The following FHOD1 variants were observed in gnomAD, a reference collection of about 807,000 sequenced individuals.
FHOD1 encodes FH1/FH2 domain-containing protein 1.
A neutral mutation model predicts 111.6 loss-of-function variants in FHOD1; 89 were observed. That is an observed-to-expected ratio of 0.80 (90% CI 0.67 to 0.95). FHOD1 has a LOEUF of 0.95. Ranked by LOEUF, FHOD1 falls within the 40% of genes least tolerant of loss-of-function variation. The pLI, the probability that FHOD1 is intolerant of heterozygous loss-of-function variation, is 0.00. For missense variants in FHOD1, 1,446 were observed against 1,554.2 expected (o/e 0.93, Z 1.17); for synonymous variants, 618 against 639.0 (o/e 0.97, Z 0.50).
rs200598043 is a variant in FHOD1, at chr16:67,238,461, G to C, written c.374-14C>G. On this transcript the variant is annotated splice_polypyrimidine_tract_variant and intron_variant, in intron 3 of 21. Coordinates refer to ENST00000258201, the MANE Select transcript of FHOD1 (RefSeq NM_013241.3). The surrounding 1 kb of genome is among the most constrained non-coding windows in gnomAD (Gnocchi z 4.2). ...TATACAGCTTTTCTGCAAAAGGTAGGGTATAAAACCCTTGATGGACACAGA... is the reference window on the plus strand; with the variant it reads ...TATACAGCTTTTCTGCAAAAGGTAGCGTATAAAACCCTTGATGGACACAGA... The C allele has an allele frequency of 6.2e-7, 1 of 1,611,354 alleles. No individual in the cohort carries two copies. The highest frequency in any genetic ancestry group is 2.2e-5 in the East Asian group (1 of 44,866).
At chr16:67,236,235 C>T (rs562302541) in intron 11 of FHOD1, among the ~76,000 whole-genome samples, 8 of 152,114 alleles carry the variant, frequency 5.3e-5, no homozygotes, top group Non-Finnish European at 1.0e-4. Flanking sequence ...GAGAGACTGA[C>T]GTGGAGCAGG....
At chr16:67,246,453 C>T (rs551785155) in intron 1 of FHOD1, among the ~76,000 whole-genome samples, 1 of 152,304 alleles carries the variant, frequency 6.6e-6, no homozygotes, top group African/African-American at 2.4e-5. Flanking sequence ...AAAAGGGCCT[C>T]TTTCCGCACT....
chr16:67,244,729 G>GAC (rs766996990), intron 1 of FHOD1, among the ~76,000 whole-genome samples: 43 of 152,188 alleles, frequency 2.8e-4, no homozygotes, highest in Non-Finnish European at 5.1e-4. Context: ...GTACCCAGAG[G>GAC]AGGACAGAGG....
rs765039105 is a variant in FHOD1, at chr16:67,236,687, G to A, written c.1189C>T (p.Pro397Ser). Residue 397 changes from proline (P) to serine (S), a missense_variant, in exon 11 of 22, where the codon CCC becomes TCC. By Grantham distance (74) the Pro-to-Ser change is moderately conservative (BLOSUM62 -1). This residue lies in a region of FHOD1 where 1,085 missense variants were observed against 1,108.8 expected (regional missense o/e 0.98). Coordinates refer to ENST00000258201, the MANE Select transcript of FHOD1 (RefSeq NM_013241.3). Reference protein sequence around the residue: ...SPVGPTSSTGPALLTGPASSP... With the variant: ...SPVGPTSSTGSALLTGPASSP... ...GAGGCGGGGCCTGTCAGCAGGGCGGGGCCGGTGGAAGAGGTGGGGCCTACC... is the reference window on the plus strand; with the variant it reads ...GAGGCGGGGCCTGTCAGCAGGGCGGAGCCGGTGGAAGAGGTGGGGCCTACC... 8.2e-6 allele frequency: 13 copies of A among 1,594,220 alleles called. No individual in the cohort carries two copies. Among genetic ancestry groups the A allele is most frequent in the Middle Eastern group, 1.8e-4 (1 of 5,562 alleles).
At chr16:67,242,993 T>G (rs1218946354) in intron 1 of FHOD1, among the ~76,000 whole-genome samples, 1 of 151,430 alleles carries the variant, frequency 6.6e-6, no homozygotes, top group Admixed American at 6.6e-5. Flanking sequence ...TCTAGACATC[T>G]ATTACATATA....
At chr16:67,236,862 T>G (rs2034500960) in intron 10 of FHOD1, 104 bp downstream of exon 10, 2 of 1,331,270 alleles carry the variant, frequency 1.5e-6, no homozygotes, top group African/African-American at 1.8e-5. Flanking sequence ...AGGTGGGGGC[T>G]GTCTGTGGGG....
At position 67,247,368 on chromosome 16, in the gene FHOD1, C is replaced by G; in HGVS notation, c.43G>C (p.Val15Leu). ...AGGTACTGCACCCTCACGGTCACCA[C>G]TGATACCGGCTCTCCGTCCCCGCGG... ...EDRGDGEPVS[V>L]VTVRVQYLED... Residue 15 changes from valine (V) to leucine (L), a missense_variant, in exon 1 of 22, where the codon GTG becomes CTG. Val to Leu is a conservative substitution (Grantham distance 32, BLOSUM62 1). This residue lies in a region of FHOD1 where 127 missense variants were observed against 118.0 expected (regional missense o/e 1.08). Transcript: ENST00000258201. 6.2e-7 allele frequency: 1 copy of G among 1,613,536 alleles called. No individual in the cohort carries two copies. Among genetic ancestry groups the G allele is most frequent in the Non-Finnish European group, 8.5e-7 (1 of 1,179,800 alleles).
rs2034524762 is a variant in FHOD1 at position 67,237,305 on chromosome 16, C to T, written c.927G>A (p.Leu309=). 6 of 1,614,056 alleles carry T rather than the reference C, an allele frequency of 3.7e-6. No homozygotes were observed. The South Asian group carries it at 6.6e-5, about 18-fold the overall frequency. The change falls in exon 9 of 22, where the codon CTG becomes CTA. Residue 309 remains leucine (L), a synonymous_variant. Transcript: ENST00000258201. The surrounding 1 kb of genome is among the most constrained non-coding windows in gnomAD (Gnocchi z 5.6). ...CCGCAGTGCCCAGGTGGCGCTGGACCAGCGCTTCCATGCCCTGCTGCTCCA... is the reference window on the plus strand; with the variant it reads ...CCGCAGTGCCCAGGTGGCGCTGGACTAGCGCTTCCATGCCCTGCTGCTCCA... ...DALEQQGMEA[L]VQRHLGTAGT...
chr16:67,234,731 C>A (rs2034419013), intron 11 of FHOD1: 1 of 473,440 alleles, frequency 2.1e-6, no homozygotes, highest in Non-Finnish European at 3.8e-6. Flanking sequence ...ATCTAACTTG[C>A]AACCTCGTTC....
chr16:67,233,833 T>C lies in FHOD1; in HGVS notation c.1870A>G (p.Arg624Gly), dbSNP rs1281645618. The C allele has an allele frequency of 6.2e-7, 1 of 1,612,692 alleles. No individual in the cohort carries two copies. ...VPDSSALPTK[R>G]KTVKLFWREL... ...CGCCAGAAAAGTTTTACTGTCTTCC[T>C]CTTAGTGGGGAGGGCTGAGCTGTCA... The change falls in exon 13 of 22, where the codon AGG (arginine) becomes GGG (glycine). Residue 624 changes from arginine (R) to glycine (G), a missense_variant. Arg to Gly is a moderately radical substitution (Grantham distance 125, BLOSUM62 -2). Coordinates refer to ENST00000258201, the MANE Select transcript of FHOD1 (RefSeq NM_013241.3).
intron 11 of FHOD1, chr16:67,236,073 G>C (rs1010059174): frequency 1.0e-6 from 1 of 971,144 alleles, no homozygotes; most frequent in South Asian, 4.8e-5. Context: ...AGGGGCCCTG[G>C]GTAGGGGGGA....
At position 67,231,623 on chromosome 16, in the gene FHOD1, C is replaced by T. The variant is rs201367682; in HGVS notation, c.2385+14G>A. Reference sequence around the variant, plus strand: ...CCTGTCCCTACTGACTGTCCCACTCCAAGACCCAGGTACCCGCTCCATGCT... The same window carrying T: ...CCTGTCCCTACTGACTGTCCCACTCTAAGACCCAGGTACCCGCTCCATGCT... On this transcript the variant is annotated intron_variant, in intron 15 of 21. Transcript: ENST00000258201. The surrounding 1 kb of genome is among the most constrained non-coding windows in gnomAD (Gnocchi z 4.3). 1.5e-5 allele frequency: 25 copies of T among 1,614,072 alleles called. No individual in the cohort carries two copies. The highest frequency in any genetic ancestry group is 1.6e-4 in the Middle Eastern group (1 of 6,062).
rs1397835458 is a variant in FHOD1 at position 67,231,343 on chromosome 16, C to T, written c.2512G>A (p.Gly838Ser). The stretch of plus-strand genomic sequence containing the variant: ...TTCTCCAGGTAGCTCAGCTCAAAGC[C>T]GCTGCTCTGAAAGGACCCTTTCTGA... Reference protein sequence around the residue: ...GNFLNGSQSSGFELSYLEKVS... With the variant: ...GNFLNGSQSSSFELSYLEKVS... The change falls in exon 17 of 22, where the codon GGC becomes AGC. Residue 838 changes from glycine to serine, a missense_variant. Transcript: ENST00000258201. This position sits in a 1 kb window ranked among gnomAD's most constrained non-coding sequence, Gnocchi z 4.3. The T allele has an allele frequency of 8.1e-6, 13 of 1,614,038 alleles. No individual in the cohort carries two copies. Among genetic ancestry groups the T allele is most frequent in the Admixed American group, 3.3e-5 (2 of 60,002 alleles).
Position 67,229,449 on chromosome 16 carries a change from CATGCAT to C in FHOD1, c.*181_*186del, listed in dbSNP as rs761295490. 1.6e-5 allele frequency: 10 copies of C among 621,380 alleles called. No individual in the cohort carries two copies. Among genetic ancestry groups the C allele is most frequent in the African/African-American group, 3.7e-5 (2 of 54,196 alleles). The allele number at this position is 621,380 out of a possible 1,614,324, so 38.5% of individuals were successfully genotyped here. On this transcript the variant is annotated 3_prime_UTR_variant, in exon 22 of 22. Coordinates refer to ENST00000258201, the MANE Select transcript of FHOD1 (RefSeq NM_013241.3). ...CGTTCAAGGAGCTCACACACATGCA[CATGCAT>C]ATGCATGCACACACACACATACACA... is the stretch of plus-strand genomic sequence containing the variant.
Position 67,238,212 on chromosome 16 carries a change from G to A in FHOD1, c.537C>T (p.Tyr179=), listed in dbSNP as rs187678679. The change falls in exon 5 of 22, where the codon TAC becomes TAT. Residue 179 remains tyrosine (Y), a synonymous_variant. Coordinates refer to ENST00000258201, the MANE Select transcript of FHOD1 (RefSeq NM_013241.3). The surrounding 1 kb of genome is among the most constrained non-coding windows in gnomAD (Gnocchi z 4.2). ...AGGGGCGGGGCTGACCTCTAAGGATGTAGCTCTGGTAGTTGTGGTCGGCAG... is the reference window on the plus strand; with the variant it reads ...AGGGGCGGGGCTGACCTCTAAGGATATAGCTCTGGTAGTTGTGGTCGGCAG... The part of the protein sequence containing the change: ...GAAADHNYQS[Y]ILRALGQLML... The A allele has an allele frequency of 1.9e-6, 3 of 1,614,222 alleles. No homozygotes were observed. Among genetic ancestry groups the A allele is most frequent in the Non-Finnish European group, 1.7e-6 (2 of 1,180,030 alleles).
intron 1 of FHOD1, among the ~76,000 whole-genome samples, chr16:67,245,954 C>G (rs890367823): frequency 6.6e-6 from 1 of 152,262 alleles, no homozygotes; most frequent in Non-Finnish European, 1.5e-5. Context: ...GCACACGCTT[C>G]TTCCAGGCAC....
In FHOD1 at chr16:67,237,388, G is replaced by A. The variant is rs746692868; in HGVS notation, c.850-6C>T. ...TCCGGGAGCGCCGCCAGCGTCTGGA[G>A]GGCGGGGATAAGAAGGCAAGGCTGA... On this transcript the variant is annotated splice_polypyrimidine_tract_variant and splice_region_variant and intron_variant, in intron 8 of 21. Transcript: ENST00000258201. This position sits in a 1 kb window ranked among gnomAD's most constrained non-coding sequence, Gnocchi z 5.6. 2 of 1,613,824 alleles carry A rather than the reference G, an allele frequency of 1.2e-6. No homozygotes were observed. Among genetic ancestry groups the A allele is most frequent in the East Asian group, 2.2e-5 (1 of 44,858 alleles).
At chr16:67,245,053 T>C (rs2034772722) in intron 1 of FHOD1, among the ~76,000 whole-genome samples, 1 of 152,206 alleles carries the variant, frequency 6.6e-6, no homozygotes, top group African/African-American at 2.4e-5. Flanking sequence ...CAGCCTTCTA[T>C]TCTGGGGCTG....
In FHOD1 at chr16:67,237,567, C is replaced by T. The variant is rs928387683; in HGVS notation, c.757G>A (p.Ala253Thr). 102 of 1,614,018 alleles carry T rather than the reference C, an allele frequency of 6.3e-5. No homozygotes were observed. Among genetic ancestry groups the T allele is most frequent in the Non-Finnish European group, 8.5e-5 (100 of 1,179,980 alleles). Residue 253 changes from alanine to threonine, a missense_variant and splice_region_variant, in exon 8 of 22, where the codon GCT (alanine) becomes ACT (threonine). By Grantham distance (58) the Ala-to-Thr change is moderately conservative. Coordinates refer to ENST00000258201, the MANE Select transcript of FHOD1 (RefSeq NM_013241.3). The surrounding 1 kb of genome is among the most constrained non-coding windows in gnomAD (Gnocchi z 5.6). The stretch of plus-strand genomic sequence containing the variant: ...GACACCAGATTGGCCCAGGGAGGAG[C>T]ACCTGCCACACAGAAAGTGGAGCAG... ...AVNSVASTTG[A>T]PPWANLVSIL...
Sources: gnomAD v4.1 joint callset for allele counts (sites outside exome capture counted in the v4.1 genomes callset) on GRCh38, gnomAD v4.1.1 for gene constraint, gnomAD v4.1.1 regional missense constraint, Gnocchi (gnomAD v3.1) non-coding constraint, MANE v1.5 for transcripts, NCBI Gene and HGNC (gene_info 2026-07-23, HGNC 2026-07-21) for gene names.